The following NAALADL2 variants were observed in gnomAD, a reference collection of about 807,000 sequenced individuals.
NAALADL2 encodes N-acetylated alpha-linked acidic dipeptidase like 2, also known as inactive N-acetylated-alpha-linked acidic dipeptidase-like protein 2.
NAALADL2 carries 76 observed loss-of-function variants against 87.2 expected under a neutral mutation model. That is an observed-to-expected ratio of 0.87 (90% confidence interval 0.72 to 1.05). The LOEUF (loss-of-function observed/expected upper bound fraction) is 1.05. Ranked by LOEUF, NAALADL2 falls within the 50% of genes least tolerant of loss-of-function variation. The pLI, the probability that NAALADL2 is intolerant of heterozygous loss-of-function variation, is 0.00. For synonymous variants in NAALADL2, 354 were observed against 331.0 expected, an observed-to-expected ratio of 1.07 and a Z score of -0.75; for missense variants, 1,089 against 945.8, an observed-to-expected ratio of 1.15 and a Z score of -1.99.
At chr3:175,424,895 T>C (rs539584390) in intron 5 of NAALADL2, among the ~76,000 whole-genome samples, 6 of 152,302 alleles carry the variant, frequency 3.9e-5, no homozygotes, top group Admixed American at 2.0e-4. Flanking sequence ...GCTTGCAATT[T>C]TAAATAGACA....
chr3:174,472,502 G>A (rs778916077), intron 1 of NAALADL2, among the ~76,000 whole-genome samples: 20 of 152,048 alleles, frequency 1.3e-4, no homozygotes, highest in Admixed American at 7.2e-4. Flanking sequence ...ACAAAAGAGG[G>A]AGGGATCACA....
chr3:175,254,133 T>C (rs956571120), intron 3 of NAALADL2, among the ~76,000 whole-genome samples: 4 of 152,148 alleles, frequency 2.6e-5, no homozygotes, highest in Admixed American at 2.6e-4. Flanking sequence ...AAACAGCATG[T>C]CATGAGAGAT....
chr3:175,786,151 A>C (rs1187804324), intron 13 of NAALADL2, among the ~76,000 whole-genome samples: 1 of 151,276 alleles, frequency 6.6e-6, no homozygotes, highest in Non-Finnish European at 1.5e-5. Context: ...CTTCATTTCA[A>C]CTTTGGTGAA....
chr3:174,643,810 C>A (rs868230869), intron 2 of NAALADL2, among the ~76,000 whole-genome samples: 4 of 152,078 alleles, frequency 2.6e-5, no homozygotes, highest in Middle Eastern at 3.2e-3. Flanking sequence ...ACAGTGAAGT[C>A]ACAGAAGACC....
chr3:174,762,517 A>G (rs1203015713), intron 3 of NAALADL2, among the ~76,000 whole-genome samples: 2 of 151,482 alleles, frequency 1.3e-5, no homozygotes, highest in Non-Finnish European at 2.9e-5. Flanking sequence ...ATTTGATTCC[A>G]TTAAATTAGC....
At chr3:174,988,369 T>A (rs1677060378) in intron 1 of NAALADL2, among the ~76,000 whole-genome samples, 1 of 152,214 alleles carries the variant, frequency 6.6e-6, no homozygotes, top group Non-Finnish European at 1.5e-5. Context: ...TTATATTACT[T>A]AACAAATAGT....
At chr3:175,709,386 G>T (rs899762092) in intron 11 of NAALADL2, among the ~76,000 whole-genome samples, 1 of 152,016 alleles carries the variant, frequency 6.6e-6, no homozygotes, top group African/African-American at 2.4e-5. Flanking sequence ...CAAAGCCAAA[G>T]GTGAGGTCAT....
At chr3:174,819,729 C>T (rs138094633) in intron 3 of NAALADL2, among the ~76,000 whole-genome samples, 47 of 152,064 alleles carry the variant, frequency 3.1e-4, no homozygotes, top group African/African-American at 1.1e-3. Flanking sequence ...TCATGTTATA[C>T]AGAAAAGCAC....
chr3:174,845,496 A>G (rs1347410000), intron 3 of NAALADL2, among the ~76,000 whole-genome samples: 2 of 152,138 alleles, frequency 1.3e-5, no homozygotes, highest in Non-Finnish European at 2.9e-5. Context: ...GGGCAAGACC[A>G]TTTCCCCTGG....
intron 6 of NAALADL2, among the ~76,000 whole-genome samples, chr3:175,453,910 T>C (rs761510417): frequency 1.5e-4 from 23 of 152,270 alleles, no homozygotes; most frequent in Non-Finnish European, 3.2e-4. Flanking sequence ...ATTTCTTCGG[T>C]GTTTATACAT....
intron 6 of NAALADL2, among the ~76,000 whole-genome samples, chr3:175,460,831 G>A (rs1258171152): frequency 6.6e-6 from 1 of 152,196 alleles, no homozygotes; most frequent in Non-Finnish European, 1.5e-5. Context: ...GCAGGGTGTT[G>A]CAGACCCAAA....
Position 174,809,745 on chromosome 3 carries a change from A to G in NAALADL2, c.-9+71999A>G, listed in dbSNP as rs748758116. ...CATTTCTTGAATTTCTCTACTAACT[A>G]TAAAATTGTGATATTATTTGTATCT... On this transcript the variant is annotated intron_variant, in intron 3 of 3. Coordinates refer to the NAALADL2 transcript ENST00000434257. 3.8e-4 allele frequency among the ~76,000 whole-genome samples: 58 copies of G among 152,170 alleles called. 1 individual carries two copies. Among genetic ancestry groups the G allele is most frequent in the Non-Finnish European group, 6.6e-4 (45 of 68,040 alleles).
At chr3:174,771,456 G>A (rs1418397220) in intron 3 of NAALADL2, among the ~76,000 whole-genome samples, 1 of 152,138 alleles carries the variant, frequency 6.6e-6, no homozygotes, top group African/African-American at 2.4e-5. Context: ...AAGATAGGGA[G>A]GGTAATGTGC....
chr3:175,323,340 G>A (rs1314662505), intron 4 of NAALADL2, among the ~76,000 whole-genome samples: 1 of 118,764 alleles, frequency 8.4e-6, no homozygotes, highest in Non-Finnish European at 1.7e-5. Flanking sequence ...GACTGTGGTG[G>A]GGTGGGGGGA....
chr3:175,151,715 G>C (rs757242588), intron 2 of NAALADL2, among the ~76,000 whole-genome samples: 8 of 151,784 alleles, frequency 5.3e-5, no homozygotes, highest in Admixed American at 5.3e-4. Flanking sequence ...CATACTACTC[G>C]ACTTTATGGA....
intron 1 of NAALADL2, among the ~76,000 whole-genome samples, chr3:175,043,399 T>C (rs1362055874): frequency 1.3e-5 from 2 of 152,012 alleles, no homozygotes; most frequent in African/African-American, 2.4e-5. Flanking sequence ...CCACGATGCC[T>C]GGCTAAATTT....
intron 2 of NAALADL2, among the ~76,000 whole-genome samples, chr3:175,130,250 C>T (rs1727620639): frequency 6.6e-6 from 1 of 152,092 alleles, no homozygotes; most frequent in Non-Finnish European, 1.5e-5. Flanking sequence ...TATCAGATAT[C>T]AGATATAAGG....
chr3:175,463,864 G>T (rs181624976), intron 7 of NAALADL2, among the ~76,000 whole-genome samples: 4,597 of 152,080 alleles, frequency 0.03, 206 homozygotes, highest in East Asian at 0.14. Context: ...ATTTTATTTT[G>T]ATCAAGAAGA....
chr3:174,886,220 G>T (rs997049844), intron 1 of NAALADL2, among the ~76,000 whole-genome samples: 4 of 152,002 alleles, frequency 2.6e-5, no homozygotes, highest in Admixed American at 6.5e-5. Flanking sequence ...GCCTGTCGGA[G>T]TTCTAAAACT....
Sources: allele counts gnomAD v4.1 joint callset (sites outside exome capture counted in the v4.1 genomes callset), GRCh38; gene constraint gnomAD v4.1.1; transcripts MANE v1.5; gene names NCBI Gene and HGNC (gene_info 2026-07-23, HGNC 2026-07-21).